The following ITGA6 variants were observed in gnomAD, a reference collection of about 807,000 sequenced individuals.
ITGA6 encodes the protein integrin subunit alpha 6, also known as integrin alpha-6.
In ITGA6, 63 loss-of-function variants were observed where a neutral mutation model predicts 133.6. The ratio of observed to expected loss-of-function variants is 0.47; its 90% confidence interval spans 0.38 to 0.58. The LOEUF (loss-of-function observed/expected upper bound fraction) is 0.58, where lower values mean the gene tolerates loss of function less well. Among genes scored for constraint, ITGA6 ranks in the 20% least tolerant of loss-of-function variants. ITGA6 has a pLI of 0.00. For missense variants in ITGA6, 1,068 were observed against 1,309.4 expected, an observed-to-expected ratio of 0.82 and a Z score of 2.85; for synonymous variants, 434 against 482.0, an observed-to-expected ratio of 0.90 and a Z score of 1.30.
At chr2:172,498,319 TTTC>T (rs1427718461) in intron 24 of ITGA6, among the ~76,000 whole-genome samples, 1 of 152,238 alleles carries the variant, frequency 6.6e-6, no homozygotes, top group Non-Finnish European at 1.5e-5. Context: ...ACACAATAAG[TTTC>T]TTCATTTGTC....
intron 11 of ITGA6, among the ~76,000 whole-genome samples, chr2:172,481,724 A>T (rs908220228): frequency 1.3e-5 from 2 of 152,144 alleles, no homozygotes; most frequent in African/African-American, 4.8e-5. Flanking sequence ...ATGGATTATG[A>T]CTTCGTGCAC....
chr2:172,489,444 GAGA>G (rs1228000614), intron 19 of ITGA6, 38 bp from the exon 20 acceptor site: 4 of 1,471,662 alleles, frequency 2.7e-6, no homozygotes, highest in Non-Finnish European at 2.9e-6. Context: ...AATTTACATT[GAGA>G]AGATTAGACT....
intron 1 of ITGA6, among the ~76,000 whole-genome samples, chr2:172,435,620 T>C (rs927959544): frequency 7.5e-6 from 1 of 132,710 alleles, no homozygotes; most frequent in Non-Finnish European, 1.6e-5. Context: ...TTGTTTCTTT[T>C]TTTTTTTTTT....
chr2:172,491,113 C>A lies in ITGA6; in HGVS notation c.2769C>A (p.Tyr923Ter). 1 of 1,505,944 alleles carries A rather than the reference C, an allele frequency of 6.6e-7. No individual in the cohort carries two copies. The highest frequency in any genetic ancestry group is 9.2e-7 in the Non-Finnish European group (1 of 1,081,582). 93.3% of individuals were successfully genotyped at this position (1,505,944 alleles called of 1,614,324 possible). The stretch of plus-strand genomic sequence containing the variant: ...TTTCTTTATTTGCTGAAAGAAAATA[C>A]CAGACTCTTGTAAGTATTTTTCAAG... ...RKFSLFAERK[Y>*]QTLNCSVNVN... is the part of the protein sequence containing the mutation. The change falls in exon 21 of 26, where the codon TAC becomes TAA. Residue 923 changes from tyrosine to a stop codon, truncating the protein, a stop_gained. Transcript: ENST00000684293. LOFTEE classifies it high-confidence loss of function. The surrounding 1 kb of genome is among the most constrained non-coding windows in gnomAD (Gnocchi z 4.4).
intron 1 of ITGA6, among the ~76,000 whole-genome samples, chr2:172,447,857 A>G (rs1442279729): frequency 6.6e-6 from 1 of 152,116 alleles, no homozygotes; most frequent in Non-Finnish European, 1.5e-5. Context: ...TTCCCCCGGT[A>G]CGTGGTAAAG....
intron 1 of ITGA6, among the ~76,000 whole-genome samples, chr2:172,429,196 CACCTGCT>C (rs1180410465): frequency 6.6e-6 from 1 of 151,012 alleles, no homozygotes; most frequent in Non-Finnish European, 1.5e-5. Context: ...TTTCTGATAA[CACCTGCT>C]AGGTGAAGCA....
intron 11 of ITGA6, among the ~76,000 whole-genome samples, chr2:172,482,449 T>C (rs982677009): frequency 1.1e-4 from 16 of 152,168 alleles, no homozygotes; most frequent in African/African-American, 3.4e-4. Context: ...CATATAGATA[T>C]CTATAATTGA....
At chr2:172,480,889 C>G (rs1437562143) in intron 11 of ITGA6, 2 of 152,148 alleles carry the variant, frequency 1.3e-5, no homozygotes, top group African/African-American at 4.8e-5. Context: ...TAATGATACT[C>G]TTAACAATAG....
chr2:172,458,915 A>C lies in ITGA6; in HGVS notation c.183-6624A>C, dbSNP rs894688239. On this transcript the variant is annotated intron_variant, in intron 1 of 25. Transcript: ENST00000684293. ...CAGTCAGAACAAAGAGCTCTTGAAG[A>C]CTGCAAATGTGACTACTGAAATTAA... Among the ~76,000 whole-genome samples the C allele has an allele frequency of 7.2e-5, 11 of 152,326 alleles. No individual in the cohort carries two copies. In the East Asian group the frequency reaches 2.1e-3, roughly 29 times the overall value.
chr2:172,485,279 C>G lies in ITGA6; in HGVS notation c.1854+15C>G. ...CTCATATTGATGTAAGTCTCTCTGACTTTCATTTTGCCAAAGTTTTTTTGC... is the reference window on the plus strand; with the variant it reads ...CTCATATTGATGTAAGTCTCTCTGAGTTTCATTTTGCCAAAGTTTTTTTGC... On this transcript the variant is annotated intron_variant, in intron 13 of 25. Transcript: ENST00000684293. The G allele has an allele frequency of 6.2e-7, 1 of 1,613,358 alleles. No individual in the cohort carries two copies. The highest frequency in any genetic ancestry group is 8.5e-7 in the Non-Finnish European group (1 of 1,179,604).
chr2:172,470,072 T>G (rs937044244), intron 4 of ITGA6, among the ~76,000 whole-genome samples: 1 of 152,200 alleles, frequency 6.6e-6, no homozygotes, highest in Non-Finnish European at 1.5e-5. Context: ...TGCATCTGAT[T>G]TGGAAATAAG....
chr2:172,444,026 T>C (rs1353629273), intron 1 of ITGA6, among the ~76,000 whole-genome samples: 1 of 152,214 alleles, frequency 6.6e-6, no homozygotes, highest in Non-Finnish European at 1.5e-5. Context: ...CCTCCCACCT[T>C]GGCCCCCAAA....
chr2:172,485,680 A>T (rs1686635707), intron 13 of ITGA6, among the ~76,000 whole-genome samples: 1 of 152,202 alleles, frequency 6.6e-6, no homozygotes, highest in South Asian at 2.1e-4. Flanking sequence ...AGCAAAGCAA[A>T]AAAGTATTAT....
intron 1 of ITGA6, among the ~76,000 whole-genome samples, chr2:172,435,904 C>G (rs1211926789): frequency 6.6e-6 from 1 of 152,072 alleles, no homozygotes; most frequent in Non-Finnish European, 1.5e-5. Flanking sequence ...GTTGAGATTA[C>G]AAGCGTGAGC....
At chr2:172,430,210 G>C (rs1276970752) in intron 1 of ITGA6, among the ~76,000 whole-genome samples, 1 of 152,218 alleles carries the variant, frequency 6.6e-6, no homozygotes, top group Non-Finnish European at 1.5e-5. Flanking sequence ...TATGCAAAGT[G>C]CTTAATGCCT....
At chr2:172,469,740 A>G (rs1220615158) in intron 4 of ITGA6, among the ~76,000 whole-genome samples, 1 of 152,222 alleles carries the variant, frequency 6.6e-6, no homozygotes, top group African/African-American at 2.4e-5. Flanking sequence ...GGATTAAATA[A>G]TGGTATATAC....
At chr2:172,449,040 G>A (rs1684878649) in intron 1 of ITGA6, among the ~76,000 whole-genome samples, 1 of 152,166 alleles carries the variant, frequency 6.6e-6, no homozygotes, top group African/African-American at 2.4e-5. Context: ...GAAAATGTGA[G>A]CACAGGCGTC....
chr2:172,470,502 T>C (rs35073987), intron 4 of ITGA6, among the ~76,000 whole-genome samples: 1,762 of 152,298 alleles, frequency 0.012, 12 homozygotes, highest in Non-Finnish European at 0.018. Flanking sequence ...TATGAAAACT[T>C]ATGTTTTAAA....
At chr2:172,462,230 G>C (rs946334536) in intron 1 of ITGA6, among the ~76,000 whole-genome samples, 11 of 152,174 alleles carry the variant, frequency 7.2e-5, no homozygotes, top group Admixed American at 5.2e-4. Flanking sequence ...GCCCTCTGCT[G>C]CTGGGTGTCA....
Sources: gnomAD v4.1 joint callset for allele counts (sites outside exome capture counted in the v4.1 genomes callset) on GRCh38, gnomAD v4.1.1 for gene constraint, Gnocchi (gnomAD v3.1) non-coding constraint, MANE v1.5 for transcripts, NCBI Gene and HGNC (gene_info 2026-07-23, HGNC 2026-07-21) for gene names.